Variants in SLC8A2 observed in about 807,000 individuals in gnomAD.
SLC8A2 encodes the protein sodium/calcium exchanger 2.
In SLC8A2, 14 loss-of-function variants were observed where a neutral mutation model predicts 70.2. That is an observed-to-expected ratio of 0.20 (90% CI 0.13 to 0.31). The LOEUF is 0.31. SLC8A2 is among the 10% of genes least tolerant of loss of function. The probability of loss-of-function intolerance (pLI) is 1.00; values close to 1 mark genes in which losing one functional copy is unlikely to be tolerated. For missense variants in SLC8A2, 779 were observed against 1,320.1 expected, an observed-to-expected ratio of 0.59 and a Z score of 6.35; for synonymous variants, 575 against 594.3, an observed-to-expected ratio of 0.97 and a Z score of 0.47.
chr19:47,437,766 C>G (rs1280601812), intron 7 of SLC8A2, 83 bp downstream of exon 7: 4 of 1,544,486 alleles, frequency 2.6e-6, no homozygotes, highest in Admixed American at 1.7e-5. Context: ...ATCTTAGGAA[C>G]CTTGTGGCTC....
chr19:47,438,570 C>T (rs1967060550), intron 6 of SLC8A2, among the ~76,000 whole-genome samples: 2 of 151,982 alleles, frequency 1.3e-5, no homozygotes, highest in Admixed American at 1.3e-4. Flanking sequence ...GAGCTCGCTT[C>T]TCTCCCCAAA....
At chr19:47,467,586 TG>T (rs1480017989) in intron 1 of SLC8A2, among the ~76,000 whole-genome samples, 1 of 152,168 alleles carries the variant, frequency 6.6e-6, no homozygotes, top group Non-Finnish European at 1.5e-5. Flanking sequence ...GACCCTGTGC[TG>T]GGCTTTCTGT....
intron 4 of SLC8A2, among the ~76,000 whole-genome samples, chr19:47,445,444 G>A (rs2122627506): frequency 6.6e-6 from 1 of 152,060 alleles, no homozygotes; most frequent in South Asian, 2.1e-4. Context: ...CTGTCTCTCT[G>A]TTCTGTCTCT....
chr19:47,459,617 GTGTGTA>G (rs1261498462), intron 2 of SLC8A2, among the ~76,000 whole-genome samples: 1 of 151,560 alleles, frequency 6.6e-6, no homozygotes, highest in African/African-American at 2.4e-5. Flanking sequence ...GTGTGTGCAT[GTGTGTA>G]TGTGTATGTG....
At chr19:47,444,474 G>A (rs182349957) in intron 4 of SLC8A2, among the ~76,000 whole-genome samples, 2 of 152,210 alleles carry the variant, frequency 1.3e-5, no homozygotes, top group Admixed American at 1.3e-4. Context: ...CCCCGACCTC[G>A]GCGTGGGCTG....
In SLC8A2 at chr19:47,447,882, C is replaced by T; in HGVS notation, c.1690G>A (p.Gly564Ser). Residue 564 changes from glycine (G) to serine (S), a missense_variant, in exon 4 of 10, where the codon GGC (glycine) becomes AGC (serine). By Grantham distance (56) the Gly-to-Ser change is moderately conservative. Transcript: ENST00000236877. The surrounding 1 kb of genome is among the most constrained non-coding windows in gnomAD (Gnocchi z 5.1). ...TVRLPYRTVD[G>S]TARGGGVHYE... The stretch of plus-strand genomic sequence containing the variant: ...TGCACGCCGCCGCCGCGCGCCGTGC[C>T]GTCCACCGTGCGGTAGGGAAGGCGC... 1 of 1,592,766 alleles carries T rather than the reference C, an allele frequency of 6.3e-7. No individual in the cohort carries two copies. Among genetic ancestry groups the T allele is most frequent in the Non-Finnish European group, 8.5e-7 (1 of 1,173,078 alleles).
At chr19:47,458,873 CT>C (rs1967351721) in intron 2 of SLC8A2, among the ~76,000 whole-genome samples, 1 of 151,138 alleles carries the variant, frequency 6.6e-6, no homozygotes, top group Non-Finnish European at 1.5e-5. Context: ...CCTCTTGTCT[CT>C]GTTCACCTCT....
At chr19:47,433,046 TA>T (rs1966984512) in intron 8 of SLC8A2, among the ~76,000 whole-genome samples, 1 of 152,130 alleles carries the variant, frequency 6.6e-6, no homozygotes, top group Admixed American at 6.5e-5. Context: ...AAGTCAATGC[TA>T]AAAACAGTTA....
intron 4 of SLC8A2, among the ~76,000 whole-genome samples, chr19:47,445,744 G>T (rs987535017): frequency 2.6e-5 from 4 of 152,160 alleles, no homozygotes; most frequent in East Asian, 1.9e-4. Context: ...ATGTGGGGGA[G>T]GACAGGGCCG....
intron 4 of SLC8A2, among the ~76,000 whole-genome samples, chr19:47,444,698 C>T (rs1967138905): frequency 6.6e-6 from 1 of 152,186 alleles, no homozygotes; most frequent in Non-Finnish European, 1.5e-5. Context: ...TCAACTGCGC[C>T]TGGCAGGCGC....
rs1450512652 is a variant in SLC8A2 at position 47,447,705 on chromosome 19, C to T, written c.1763+104G>A. ...CCTCCCGAGGCCCAACCAAGACCCG[C>T]CCACTATGTGGGCATGGCTCACCCA... On this transcript the variant is annotated intron_variant, in intron 4 of 9. Transcript: ENST00000236877. This position sits in a 1 kb window ranked among gnomAD's most constrained non-coding sequence, Gnocchi z 5.1. 1.7e-5 allele frequency: 21 copies of T among 1,256,000 alleles called. No homozygotes were observed. The highest frequency in any genetic ancestry group is 2.2e-5 in the Non-Finnish European group (21 of 948,666). 77.8% of individuals were successfully genotyped at this position (1,256,000 alleles called of 1,614,324 possible).
At chr19:47,457,789 T>TTTTC (rs1967330637) in intron 2 of SLC8A2, among the ~76,000 whole-genome samples, 195 bp from the exon 3 acceptor site, 1 of 118,966 alleles carries the variant, frequency 8.4e-6, no homozygotes, top group African/African-American at 3.1e-5. Context: ...TTCTTTTCTT[T>TTTTC]TCTTTTCTCT....
In SLC8A2 at chr19:47,466,463, C is replaced by T. The variant is rs1967463254; in HGVS notation, c.-16-44G>A. On this transcript the variant is annotated intron_variant, in intron 1 of 9. Coordinates refer to ENST00000236877, the MANE Select transcript of SLC8A2 (RefSeq NM_015063.3). The surrounding 1 kb of genome is among the most constrained non-coding windows in gnomAD (Gnocchi z 6.9). ...AGGTCTGGGTGAGGGAAGCAAACCT[C>T]TTTCTGTCATACAAAGGTCAAAGCT... 1.5e-6 allele frequency: 1 copy of T among 674,310 alleles called. No homozygotes were observed. Among genetic ancestry groups the T allele is most frequent in the South Asian group, 1.9e-5 (1 of 51,448 alleles). 41.8% of individuals were successfully genotyped at this position (674,310 alleles called of 1,614,324 possible).
At chr19:47,435,432 C>A (rs1395316802) in intron 8 of SLC8A2, among the ~76,000 whole-genome samples, 2 of 152,140 alleles carry the variant, frequency 1.3e-5, no homozygotes, top group Admixed American at 6.5e-5. Context: ...TCCACTAAGT[C>A]CCCAGAGGAA....
At chr19:47,438,028 G>T in intron 6 of SLC8A2, 55 bp from the exon 7 acceptor site, 3 of 1,607,808 alleles carry the variant, frequency 1.9e-6, no homozygotes, top group Non-Finnish European at 2.6e-6. Flanking sequence ...AATTGGGCCT[G>T]TGACGCCTTT....
chr19:47,455,746 C>T (rs1417800555), intron 3 of SLC8A2, among the ~76,000 whole-genome samples: 3 of 152,134 alleles, frequency 2.0e-5, no homozygotes, highest in African/African-American at 7.2e-5. Flanking sequence ...GAGATCTTAT[C>T]TATCTTGGTT....
chr19:47,461,266 T>C (rs1967391665), intron 2 of SLC8A2, among the ~76,000 whole-genome samples: 1 of 151,946 alleles, frequency 6.6e-6, no homozygotes, highest in Admixed American at 6.6e-5. Flanking sequence ...CCCTGCACTT[T>C]GGGAGGCCAA....
At position 47,428,187 on chromosome 19, in the gene SLC8A2, A is replaced by C. The variant is rs1265602155; in HGVS notation, c.*1902T>G. 1 of 146,586 alleles carries C rather than the reference A, an allele frequency of 6.8e-6. No individual in the cohort carries two copies. The highest frequency in any genetic ancestry group is 1.5e-5 in the Non-Finnish European group (1 of 66,618). The allele number at this position is 146,586 out of a possible 1,614,324, so 9.1% of individuals were successfully genotyped here. A position where few individuals can be genotyped will look rare whatever the true frequency, so the allele number is the denominator to read the frequency against. On this transcript the variant is annotated 3_prime_UTR_variant, in exon 10 of 10. Coordinates refer to ENST00000236877, the MANE Select transcript of SLC8A2 (RefSeq NM_015063.3). ...GTGGAAGCCCCTGACTGAAGCAGGA[A>C]GGCGTGGCTGAAGCACGACTGATAA...
chr19:47,460,817 C>T (rs1186047718), intron 2 of SLC8A2, among the ~76,000 whole-genome samples: 2 of 152,134 alleles, frequency 1.3e-5, no homozygotes, highest in Admixed American at 1.3e-4. Flanking sequence ...ACAGGCCTGG[C>T]ACATGGAAAG....
Sources: gnomAD v4.1 joint callset for allele counts (sites outside exome capture counted in the v4.1 genomes callset) on GRCh38, gnomAD v4.1.1 for gene constraint, Gnocchi (gnomAD v3.1) non-coding constraint, MANE v1.5 for transcripts, NCBI Gene and HGNC (gene_info 2026-07-23, HGNC 2026-07-21) for gene names.